BTBD9: variants seen among roughly 807,000 people sequenced by gnomAD.
The protein encoded by BTBD9 is BTB/POZ domain-containing protein 9.
BTBD9 carries 49 observed loss-of-function variants against 64.3 expected under a neutral mutation model. That is an observed-to-expected ratio of 0.76 (90% confidence interval 0.61 to 0.97). The LOEUF (loss-of-function observed/expected upper bound fraction) is 0.97, where lower values mean the gene tolerates loss of function less well. Among genes scored for constraint, BTBD9 ranks in the 50% least tolerant of loss-of-function variants. BTBD9 has a pLI of 0.00. For synonymous variants in BTBD9, 260 were observed against 274.7 expected, an observed-to-expected ratio of 0.95 and a Z score of 0.53; for missense variants, 598 against 762.1, an observed-to-expected ratio of 0.78 and a Z score of 2.53.
intron 6 of BTBD9, among the ~76,000 whole-genome samples, chr6:38,374,443 T>C (rs1314168082): frequency 6.7e-6 from 1 of 150,360 alleles, no homozygotes; most frequent in Non-Finnish European, 1.5e-5. Context: ...AATCACATTA[T>C]TTTTAAATCA....
intron 6 of BTBD9, among the ~76,000 whole-genome samples, chr6:38,422,585 T>C (rs73730957): frequency 0.014 from 2,065 of 152,240 alleles, 50 homozygotes; most frequent in African/African-American, 0.047. Context: ...ATGTTCTAAA[T>C]GAAATGAAGA....
At chr6:38,375,916 AAAG>A in intron 6 of BTBD9, among the ~76,000 whole-genome samples, 1 of 137,096 alleles carries the variant, frequency 7.3e-6, no homozygotes, top group East Asian at 2.9e-4. Context: ...AGAAAGAAAG[AAAG>A]AAAGAAAGAA....
At chr6:38,194,198 C>T (rs547683562) in intron 9 of BTBD9, among the ~76,000 whole-genome samples, 95 of 152,210 alleles carry the variant, frequency 6.2e-4, no homozygotes, top group African/African-American at 2.1e-3. Flanking sequence ...GCCTAGCTGT[C>T]TCTTGCGAGC....
At chr6:38,588,276 A>G in intron 4 of BTBD9, 2 of 931,694 alleles carry the variant, frequency 2.1e-6, no homozygotes, top group South Asian at 1.4e-5. Context: ...CTGCCTGCTC[A>G]GCTGCCACAC....
intron 7 of BTBD9, among the ~76,000 whole-genome samples, chr6:38,335,796 C>A (rs1407864893): frequency 6.6e-6 from 1 of 151,832 alleles, no homozygotes; most frequent in Non-Finnish European, 1.5e-5. Flanking sequence ...TGCAGTGGCA[C>A]AATCTTGGCT....
In BTBD9 at chr6:38,435,652, C is replaced by T. The variant is rs1217136985; in HGVS notation, c.1155-90559G>A. Among the ~76,000 whole-genome samples, 4 of 117,384 alleles carry T rather than the reference C, an allele frequency of 3.4e-5. No homozygotes were observed. The East Asian group carries it at 8.4e-4, about 25-fold the overall frequency. 77.0% of individuals were successfully genotyped at this position (117,384 alleles called of 152,430 possible). Reference sequence around the variant, plus strand: ...TCCCTTCCTCCCTCCCTCCTTCCTTCCTTCCTTTCTCTCTCTCTCTCTTTC... The same window carrying T: ...TCCCTTCCTCCCTCCCTCCTTCCTTTCTTCCTTTCTCTCTCTCTCTCTTTC... On this transcript the variant is annotated intron_variant, in intron 6 of 10. Transcript: ENST00000481247.
In BTBD9 at chr6:38,171,065, G is replaced by C. The variant is rs1766736845; in HGVS notation, c.*3920C>G. 2.6e-5 allele frequency: 4 copies of C among 152,236 alleles called. No individual in the cohort carries two copies. Among genetic ancestry groups the C allele is most frequent in the African/African-American group, 9.6e-5 (4 of 41,462 alleles). The allele number at this position is 152,236 out of a possible 1,614,324, so 9.4% of individuals were successfully genotyped here. A position where few individuals can be genotyped will look rare whatever the true frequency, so the allele number is the denominator to read the frequency against. ...GGAGGTTCTTAATTGAAGTCTGTGA[G>C]GGGAGCGCTCCATCTCTTTATCACC... On this transcript the variant is annotated 3_prime_UTR_variant, in exon 11 of 11. Coordinates refer to ENST00000481247, the MANE Select transcript of BTBD9 (RefSeq NM_001099272.2).
intron 4 of BTBD9, among the ~76,000 whole-genome samples, chr6:38,589,661 A>T (rs2127487651): frequency 6.6e-6 from 1 of 152,328 alleles, no homozygotes; most frequent in East Asian, 1.9e-4. Flanking sequence ...CACAAATCAG[A>T]CAGACAATAT....
intron 9 of BTBD9, among the ~76,000 whole-genome samples, chr6:38,251,750 G>C (rs1764410256): frequency 6.6e-6 from 1 of 151,962 alleles, no homozygotes; most frequent in Admixed American, 6.6e-5. Context: ...AAATTAGCCA[G>C]CCGTGGTAGC....
intron 6 of BTBD9, among the ~76,000 whole-genome samples, chr6:38,505,099 A>G (rs28616055): frequency 0.2 from 30,386 of 152,074 alleles, 3,941 homozygotes; most frequent in Non-Finnish European, 0.3. Flanking sequence ...CTCCTCCCTC[A>G]TAAGCTGCTT....
At position 38,465,710 on chromosome 6, in the gene BTBD9, T is replaced by A. The variant is rs1307246218; in HGVS notation, c.1154+111890A>T. Among the ~76,000 whole-genome samples, 10 of 12,966 alleles carry A rather than the reference T, an allele frequency of 7.7e-4. 1 individual carries two copies. Among genetic ancestry groups the A allele is most frequent in the East Asian group, 3.7e-3 (1 of 270 alleles). 8.5% of individuals were successfully genotyped at this position (12,966 alleles called of 152,430 possible). ...TCTAAATAAATAAATAAATAAATTA[T>A]ATATATATATATATATATATATATA... On this transcript the variant is annotated intron_variant, in intron 6 of 10. Transcript: ENST00000481247.
chr6:38,257,187 G>A (rs1255479476), intron 8 of BTBD9, among the ~76,000 whole-genome samples: 2 of 150,414 alleles, frequency 1.3e-5, no homozygotes, highest in East Asian at 3.9e-4. Flanking sequence ...ATAGGTGCGA[G>A]CCACCGTGCC....
intron 6 of BTBD9, among the ~76,000 whole-genome samples, chr6:38,361,537 T>C (rs2127598219): frequency 6.6e-6 from 1 of 150,456 alleles, no homozygotes; most frequent in East Asian, 2.0e-4. Context: ...AACGAGACCC[T>C]GTCTCTTAAA....
In BTBD9 at chr6:38,169,103, G is replaced by A. The variant is rs767779514; in HGVS notation, c.*5882C>T. The A allele has an allele frequency of 7.9e-5, 12 of 152,670 alleles. No homozygotes were observed. Among genetic ancestry groups the A allele is most frequent in the Non-Finnish European group, 1.5e-4 (10 of 68,492 alleles). 9.5% of individuals were successfully genotyped at this position (152,670 alleles called of 1,614,324 possible). The stretch of plus-strand genomic sequence containing the variant: ...CCAGTATCCCCCAGCCTGGGCGGCC[G>A]GGCTGTGCTCCCTGAGGACCTTACT... On this transcript the variant is annotated 3_prime_UTR_variant, in exon 11 of 11. Transcript: ENST00000481247.
chr6:38,179,042 G>A (rs906531777), intron 10 of BTBD9, among the ~76,000 whole-genome samples: 52 of 151,962 alleles, frequency 3.4e-4, no homozygotes, highest in Admixed American at 2.6e-3. Context: ...TAGTAGAGAT[G>A]GGGTTTCACC....
intron 10 of BTBD9, among the ~76,000 whole-genome samples, chr6:38,178,206 G>A (rs775636472): frequency 8.6e-5 from 13 of 150,798 alleles, no homozygotes; most frequent in African/African-American, 1.2e-4. Context: ...ACTGTGTGGC[G>A]AAGATTCTAA....
chr6:38,591,744 A>G (rs1776799170), intron 4 of BTBD9, among the ~76,000 whole-genome samples: 1 of 152,182 alleles, frequency 6.6e-6, no homozygotes, highest in Non-Finnish European at 1.5e-5. Flanking sequence ...CCTGTTCTTG[A>G]TACATACTAT....
At chr6:38,563,483 C>G (rs1582638307) in intron 6 of BTBD9, among the ~76,000 whole-genome samples, 1 of 152,186 alleles carries the variant, frequency 6.6e-6, no homozygotes, top group East Asian at 1.9e-4. Flanking sequence ...TCAATCCATT[C>G]CCCACAAGGA....
At chr6:38,364,794 T>C (rs75526677) in intron 6 of BTBD9, among the ~76,000 whole-genome samples, 7,550 of 152,158 alleles carry the variant, frequency 0.05, 617 homozygotes, top group African/African-American at 0.17. Flanking sequence ...TACTAACATA[T>C]CATACACTGG....
Sources: gnomAD v4.1 joint callset for allele counts (sites outside exome capture counted in the v4.1 genomes callset) on GRCh38, gnomAD v4.1.1 for gene constraint, MANE v1.5 for transcripts, NCBI Gene and HGNC (gene_info 2026-07-23, HGNC 2026-07-21) for gene names.